Variants in VPS41 observed in about 807,000 individuals in gnomAD.
VPS41 encodes the protein VPS41 subunit of HOPS complex.
Under a neutral mutation model 130.9 loss-of-function variants are expected in VPS41, and 85 were observed. The ratio of observed to expected loss-of-function variants is 0.65; its 90% CI spans 0.55 to 0.78. The LOEUF (loss-of-function observed/expected upper bound fraction) is 0.78, where lower values mean the gene tolerates loss of function less well. VPS41 is among the 30% of genes least tolerant of loss of function. The probability of loss-of-function intolerance (pLI) is 0.00; values close to 1 mark genes in which losing one functional copy is unlikely to be tolerated. For synonymous variants in VPS41, 335 were observed against 332.9 expected (o/e 1.01, Z -0.07); for missense variants, 874 against 1,018.7 (o/e 0.86, Z 1.93).
At chr7:38,905,459 A>C (rs558697896) in intron 1 of VPS41, among the ~76,000 whole-genome samples, 14 of 152,350 alleles carry the variant, frequency 9.2e-5, no homozygotes, top group Middle Eastern at 3.4e-3. Context: ...CCTTTACCAT[A>C]TTAGGCAAAA....
Position 38,900,695 on chromosome 7 carries a change from G to C in VPS41, c.22-2566C>G, listed in dbSNP as rs1014525419. 1.4e-4 allele frequency among the ~76,000 whole-genome samples: 21 copies of C among 152,344 alleles called. No homozygotes were observed. The East Asian group carries it at 3.9e-3, about 28-fold the overall frequency. On this transcript the variant is annotated intron_variant, in intron 1 of 28. Transcript: ENST00000310301. ...GACCTGAATCTTCAGGGAAAACTGGGCTCTGAGAGTAGCTTCTTTGGCTAT... is the reference window on the plus strand; with the variant it reads ...GACCTGAATCTTCAGGGAAAACTGGCCTCTGAGAGTAGCTTCTTTGGCTAT...
At chr7:38,843,424 T>C (rs1056492034) in intron 4 of VPS41, among the ~76,000 whole-genome samples, 3 of 152,212 alleles carry the variant, frequency 2.0e-5, no homozygotes, top group African/African-American at 7.2e-5. Flanking sequence ...GGCTCATGCC[T>C]GTAATCCCAG....
At chr7:38,868,499 G>A (rs947440838) in intron 3 of VPS41, among the ~76,000 whole-genome samples, 1 of 152,176 alleles carries the variant, frequency 6.6e-6, no homozygotes, top group African/African-American at 2.4e-5. Context: ...AACTTACAAG[G>A]TCACAGGGAA....
At chr7:38,735,765 C>T (rs1795750752) in intron 25 of VPS41, among the ~76,000 whole-genome samples, 1 of 152,142 alleles carries the variant, frequency 6.6e-6, no homozygotes, top group African/African-American at 2.4e-5. Flanking sequence ...GTATATGGCA[C>T]TTTGAAAACA....
chr7:38,796,871 A>C lies in VPS41; in HGVS notation c.451-7T>G. 1 of 1,613,832 alleles carries C rather than the reference A, an allele frequency of 6.2e-7. No individual in the cohort carries two copies. On this transcript the variant is annotated splice_region_variant and splice_polypyrimidine_tract_variant and intron_variant, in intron 7 of 28. Transcript: ENST00000310301. ...ACCGTTCAAACAGTAGCAGCTAGGGACAAAAAGCATAAACAAAGAATCTTA... is the reference window on the plus strand; with the variant it reads ...ACCGTTCAAACAGTAGCAGCTAGGGCCAAAAAGCATAAACAAAGAATCTTA...
rs1404587175 is a variant in VPS41, at chr7:38,776,976, T to C, written c.785-200A>G. On this transcript the variant is annotated intron_variant, in intron 10 of 28. Transcript: ENST00000310301. Reference sequence around the variant, plus strand: ...TCCTGGAAACGAATATGTGGGAAAGTAGACTTGCAAATTCCCATCACAAAC... The same window carrying C: ...TCCTGGAAACGAATATGTGGGAAAGCAGACTTGCAAATTCCCATCACAAAC... Among the ~76,000 whole-genome samples the C allele has an allele frequency of 3.9e-5, 6 of 152,304 alleles. No homozygotes were observed. In the South Asian group the frequency reaches 6.2e-4, roughly 16 times the overall value.
chr7:38,826,740 T>G (rs1195306465), intron 5 of VPS41, among the ~76,000 whole-genome samples: 10 of 152,176 alleles, frequency 6.6e-5, no homozygotes, highest in Admixed American at 3.9e-4. Flanking sequence ...ATAATTCCAC[T>G]GCTAACCACT....
intron 2 of VPS41, among the ~76,000 whole-genome samples, chr7:38,892,311 G>T (rs1786883205): frequency 1.3e-5 from 2 of 152,084 alleles, no homozygotes; most frequent in African/African-American, 4.8e-5. Context: ...TTACCAACTG[G>T]GTAGCCTTGC....
At chr7:38,794,436 C>T (rs538787059) in intron 9 of VPS41, among the ~76,000 whole-genome samples, 415 of 152,330 alleles carry the variant, frequency 2.7e-3, no homozygotes, top group Middle Eastern at 0.014. Context: ...TTTCCACTTT[C>T]CCTTTCCAGA....
intron 25 of VPS41, among the ~76,000 whole-genome samples, chr7:38,729,103 A>G (rs1041771875): frequency 1.3e-5 from 2 of 152,120 alleles, no homozygotes; most frequent in African/African-American, 4.8e-5. Context: ...AACTAACCCT[A>G]TTGCTACTTT....
At chr7:38,749,916 G>A (rs1229024321) in intron 22 of VPS41, among the ~76,000 whole-genome samples, 1 of 152,164 alleles carries the variant, frequency 6.6e-6, no homozygotes, top group Non-Finnish European at 1.5e-5. Flanking sequence ...AGGCCGGAGT[G>A]CACTGGTGCA....
chr7:38,760,106 C>T (rs1783881499), intron 17 of VPS41, among the ~76,000 whole-genome samples: 1 of 152,156 alleles, frequency 6.6e-6, no homozygotes, highest in African/African-American at 2.4e-5. Context: ...ACAGCTGATT[C>T]TGGGCCAGTA....
chr7:38,858,461 G>A (rs779598504), intron 4 of VPS41, among the ~76,000 whole-genome samples: 8 of 152,098 alleles, frequency 5.3e-5, no homozygotes, highest in Admixed American at 2.0e-4. Context: ...CCCCCTTCCC[G>A]TCATGGCCTG....
In VPS41 at chr7:38,898,097, C is replaced by T. The variant is rs1787051267; in HGVS notation, c.54G>A (p.Glu18=). The change falls in exon 2 of 29, where the codon GAG becomes GAA. Residue 18 remains glutamate, a synonymous_variant. Transcript: ENST00000310301. ...TCCTGAGTCACCACCTTACCTCAGA[C>T]TCATCTGTAGATTCTTCAAGGGACC... ...ETGSLEESTD[E]SEEEESEEEP... is the part of the protein sequence containing the mutation. The T allele has an allele frequency of 3.1e-6, 5 of 1,613,770 alleles. No individual in the cohort carries two copies. The East Asian group carries it at 1.1e-4, about 36-fold the overall frequency.
chr7:38,885,237 C>A (rs967122632), intron 2 of VPS41, among the ~76,000 whole-genome samples: 2 of 152,140 alleles, frequency 1.3e-5, no homozygotes, highest in African/African-American at 4.8e-5. Context: ...CTATGCCCGG[C>A]TGATTTTTTG....
intron 10 of VPS41, among the ~76,000 whole-genome samples, chr7:38,782,844 C>T (rs1276139610): frequency 6.6e-6 from 1 of 152,170 alleles, no homozygotes; most frequent in Non-Finnish European, 1.5e-5. Context: ...AGGCTGGGTG[C>T]GGTGGCTCAC....
intron 7 of VPS41, among the ~76,000 whole-genome samples, chr7:38,815,199 T>G (rs1007616188): frequency 1.3e-5 from 2 of 152,142 alleles, no homozygotes; most frequent in Non-Finnish European, 2.9e-5. Flanking sequence ...CGAGGTGGGC[T>G]GATCACCTGA....
rs998039866 is a variant in VPS41, at chr7:38,845,445, T to G, written c.247-15117A>C. Among the ~76,000 whole-genome samples the G allele has an allele frequency of 2.6e-5, 4 of 152,274 alleles. No individual in the cohort carries two copies. In the South Asian group the frequency reaches 8.3e-4, roughly 32 times the overall value. The stretch of plus-strand genomic sequence containing the variant: ...TTCCGGGATGCTACAAATCCTGCAG[T>G]TGTCCCGTAGGGTGAGGTGGATGAA... On this transcript the variant is annotated intron_variant, in intron 4 of 28. Coordinates refer to ENST00000310301, the MANE Select transcript of VPS41 (RefSeq NM_014396.4).
At chr7:38,770,313 G>A (rs116822389) in intron 14 of VPS41, among the ~76,000 whole-genome samples, 44 of 150,668 alleles carry the variant, frequency 2.9e-4, no homozygotes, top group African/African-American at 1.0e-3. Context: ...TAACCAAGCA[G>A]GCCAAGCTGT....
Sources: allele counts gnomAD v4.1 joint callset (sites outside exome capture counted in the v4.1 genomes callset), GRCh38; gene constraint gnomAD v4.1.1; transcripts MANE v1.5; gene names NCBI Gene and HGNC (gene_info 2026-07-23, HGNC 2026-07-21).